Variants in SOCS7 observed in about 807,000 individuals in gnomAD.
The protein encoded by SOCS7 is NAP-4.
In SOCS7, 18 loss-of-function variants were observed where a neutral mutation model predicts 58.9. The observed-to-expected ratio is 0.31, with a 90% confidence interval of 0.21 to 0.45. The LOEUF is 0.45. SOCS7 is among the 20% of genes least tolerant of loss of function. SOCS7 has a pLI of 1.00. For synonymous variants in SOCS7, 388 were observed against 364.3 expected (o/e 1.06, Z -0.74); for missense variants, 667 against 837.3 (o/e 0.80, Z 2.51).
At position 38,403,731 on chromosome 17, in the gene SOCS7, C is replaced by A. The variant is rs566398975; in HGVS notation, c.*4249C>A. ...CCACTGTTAAGAGAATGACACACCCCCTGTCATGTAAGGGAGGAGCTATTG... is the reference window on the plus strand; with the variant it reads ...CCACTGTTAAGAGAATGACACACCCACTGTCATGTAAGGGAGGAGCTATTG... On this transcript the variant is annotated 3_prime_UTR_variant, in exon 10 of 10. Coordinates refer to ENST00000612932, the MANE Select transcript of SOCS7 (RefSeq NM_014598.4). 6.6e-6 allele frequency: 1 copy of A among 152,184 alleles called. No individual in the cohort carries two copies. Among genetic ancestry groups the A allele is most frequent in the South Asian group, 2.1e-4 (1 of 4,820 alleles). 9.4% of individuals were successfully genotyped at this position (152,184 alleles called of 1,614,324 possible). A position where few individuals can be genotyped will look rare whatever the true frequency, so the allele number is the denominator to read the frequency against.
At chr17:38,365,431 G>C in intron 4 of SOCS7, 22 bp downstream of exon 4, 1 of 1,522,468 alleles carries the variant, frequency 6.6e-7, no homozygotes, top group East Asian at 2.3e-5. Context: ...TTAGAGGCAA[G>C]ACTTGTAAGA....
intron 1 of SOCS7, among the ~76,000 whole-genome samples, chr17:38,353,670 G>A (rs544995532): frequency 1.2e-3 from 181 of 152,294 alleles, no homozygotes; most frequent in Admixed American, 2.7e-3. Context: ...TTGGGAGGCC[G>A]AGGAGGGCGG....
Position 38,368,069 on chromosome 17 carries a change from A to G in SOCS7, c.1552+19A>G. 1.3e-6 allele frequency: 2 copies of G among 1,570,108 alleles called. No individual in the cohort carries two copies. The highest frequency in any genetic ancestry group is 1.7e-6 in the Non-Finnish European group (2 of 1,152,414). ...TACAGAGGTAAGAGATACTGGTAAG[A>G]GAGGCTTCTTCCCCCCTTGATTTGC... On this transcript the variant is annotated intron_variant, in intron 6 of 9. Transcript: ENST00000612932.
rs138941045 is a variant in SOCS7 at position 38,394,562 on chromosome 17, C to T, written c.1682-747C>T. 1.7e-3 allele frequency among the ~76,000 whole-genome samples: 263 copies of T among 152,300 alleles called. 4 individuals are homozygous for T. Among genetic ancestry groups the T allele is most frequent in the African/African-American group, 6.1e-3 (252 of 41,548 alleles). ...GGAATTTGGTGGGGACTCCTCTGAA[C>T]GGCTTTTCTGGGTCCTCACCTTCAG... On this transcript the variant is annotated intron_variant, in intron 7 of 9. Transcript: ENST00000612932.
Position 38,367,749 on chromosome 17 carries a change from T to G in SOCS7, c.1384-133T>G, listed in dbSNP as rs939652526. 2.1e-5 allele frequency: 15 copies of G among 704,942 alleles called. 1 individual carries two copies. The South Asian group carries it at 2.5e-4, about 12-fold the overall frequency. 43.7% of individuals were successfully genotyped at this position (704,942 alleles called of 1,614,324 possible). A position where few individuals can be genotyped will look rare whatever the true frequency, so the allele number is the denominator to read the frequency against. Reference sequence around the variant, plus strand: ...GTTCATTGCTAATGGTTGAGACACTTGTAAGTGGCTTTTACCTATTGAAAT... The same window carrying G: ...GTTCATTGCTAATGGTTGAGACACTGGTAAGTGGCTTTTACCTATTGAAAT... On this transcript the variant is annotated intron_variant, in intron 5 of 9. Transcript: ENST00000612932.
At chr17:38,356,423 G>A (rs1555566802) in intron 1 of SOCS7, among the ~76,000 whole-genome samples, 1 of 151,594 alleles carries the variant, frequency 6.6e-6, no homozygotes, top group East Asian at 2.0e-4. Flanking sequence ...TGTTGCCCAT[G>A]CTGGAGTGCA....
intron 1 of SOCS7, among the ~76,000 whole-genome samples, chr17:38,357,468 C>G (rs748610574): frequency 6.6e-6 from 1 of 152,236 alleles, no homozygotes; most frequent in African/African-American, 2.4e-5. Context: ...CCTTAACATT[C>G]TCTCTGCCAA....
At chr17:38,379,676 A>C (rs892873925) in intron 7 of SOCS7, among the ~76,000 whole-genome samples, 4 of 152,076 alleles carry the variant, frequency 2.6e-5, no homozygotes. Flanking sequence ...GATTTGAATA[A>C]GGCATGACAG....
In SOCS7 at chr17:38,395,857, C is replaced by G; in HGVS notation, c.1827C>G (p.Ile609Met). Residue 609 changes from isoleucine to methionine, a missense_variant, in exon 9 of 10, where the codon ATC becomes ATG. By Grantham distance (10) the Ile-to-Met change is conservative (BLOSUM62 1). Transcript: ENST00000612932. ...IPDLPLPKPL[I>M]SYIRKFYYYD... ...CATTTGTTTTTCACAGACCTCTGAT[C>G]TCTTATATCCGAAAGTTCTACTACT... The G allele has an allele frequency of 1.2e-6, 2 of 1,609,932 alleles. No individual in the cohort carries two copies. The highest frequency in any genetic ancestry group is 1.7e-6 in the Non-Finnish European group (2 of 1,178,956).
intron 7 of SOCS7, among the ~76,000 whole-genome samples, chr17:38,379,900 C>T (rs1436673063): frequency 6.6e-6 from 1 of 152,090 alleles, no homozygotes; most frequent in Non-Finnish European, 1.5e-5. Context: ...AAATAAGCTA[C>T]CTTTCTGCCT....
At chr17:38,369,312 G>T (rs2037831310) in intron 6 of SOCS7, among the ~76,000 whole-genome samples, 1 of 152,172 alleles carries the variant, frequency 6.6e-6, no homozygotes. Flanking sequence ...ACTGCATCGG[G>T]TTCTCTTGTG....
intron 7 of SOCS7, among the ~76,000 whole-genome samples, chr17:38,385,929 C>G (rs914384684): frequency 6.6e-6 from 1 of 152,080 alleles, no homozygotes; most frequent in Non-Finnish European, 1.5e-5. Context: ...CCTAAAATCC[C>G]AGCACTTTGG....
chr17:38,361,813 A>G (rs368071528), intron 2 of SOCS7, 38 bp downstream of exon 2: 1 of 1,486,316 alleles, frequency 6.7e-7, no homozygotes, highest in African/African-American at 1.4e-5. Context: ...ACATCTGAAA[A>G]CAGGGGCGTT....
chr17:38,395,779 C>G, intron 8 of SOCS7, 69 bp from the exon 9 acceptor site: 1 of 1,489,678 alleles, frequency 6.7e-7, no homozygotes, highest in Non-Finnish European at 9.2e-7. Context: ...AAGAGTTGAA[C>G]AAAGGAGTTA....
intron 7 of SOCS7, among the ~76,000 whole-genome samples, chr17:38,383,127 C>T (rs572919092): frequency 5.3e-5 from 8 of 152,242 alleles, no homozygotes; most frequent in Non-Finnish European, 1.0e-4. Flanking sequence ...GGATCCAGAG[C>T]ACCGAGTGCT....
rs974988380 is a variant in SOCS7 at position 38,374,203 on chromosome 17, G to A, written c.1553-3511G>A. Among the ~76,000 whole-genome samples, 7 of 151,994 alleles carry A rather than the reference G, an allele frequency of 4.6e-5. No homozygotes were observed. In the East Asian group the frequency reaches 7.7e-4, roughly 17 times the overall value. On this transcript the variant is annotated intron_variant, in intron 6 of 9. Coordinates refer to ENST00000612932, the MANE Select transcript of SOCS7 (RefSeq NM_014598.4). ...TCGCTGCACTCCAGCCTGGGCGACC[G>A]AGTGAGACTCTGTCTCAAAAAAAAT...
chr17:38,380,287 T>C, intron 7 of SOCS7, among the ~76,000 whole-genome samples: 1 of 152,136 alleles, frequency 6.6e-6, no homozygotes, highest in Non-Finnish European at 1.5e-5. Flanking sequence ...TATTTAAATA[T>C]ATTGACATTT....
Position 38,397,608 on chromosome 17 carries a change from G to C in SOCS7, c.*30+1610G>C, listed in dbSNP as rs7226012. ...TTTACAAGAACCTTTTTAACAGAGA[G>C]GTCCAAAACTGGGATGGTTTTCCTC... is the stretch of plus-strand genomic sequence containing the variant. On this transcript the variant is annotated intron_variant, in intron 9 of 9. Transcript: ENST00000612932. Among the ~76,000 whole-genome samples the C allele has an allele frequency of 9.4e-3, 1,426 of 152,360 alleles. 25 individuals carry two copies. Among genetic ancestry groups the C allele is most frequent in the African/African-American group, 0.033 (1,372 of 41,582 alleles).
In SOCS7 at chr17:38,393,124, C is replaced by T. The variant is rs547116484; in HGVS notation, c.1682-2185C>T. 3.3e-5 allele frequency among the ~76,000 whole-genome samples: 5 copies of T among 152,284 alleles called. No homozygotes were observed. The East Asian group carries it at 9.6e-4, about 29-fold the overall frequency. On this transcript the variant is annotated intron_variant, in intron 7 of 9. Coordinates refer to ENST00000612932, the MANE Select transcript of SOCS7 (RefSeq NM_014598.4). The stretch of plus-strand genomic sequence containing the variant: ...TCCTGGCCTCAAGTGATCTTATCTC[C>T]TTGGTCTCCCAAAGTACTAGGATTA...
Sources: allele counts gnomAD v4.1 joint callset (sites outside exome capture counted in the v4.1 genomes callset), GRCh38; gene constraint gnomAD v4.1.1; transcripts MANE v1.5; gene names NCBI Gene and HGNC (gene_info 2026-07-23, HGNC 2026-07-21).